The following PRDM16 variants were observed in gnomAD, a reference collection of about 807,000 sequenced individuals.
PRDM16 encodes the protein histone-lysine N-methyltransferase PRDM16.
In PRDM16, 23 loss-of-function variants were observed where a neutral mutation model predicts 110.6. The observed-to-expected ratio is 0.21, with a 90% CI of 0.15 to 0.29. The LOEUF (loss-of-function observed/expected upper bound fraction) is 0.29. Ranked by LOEUF, PRDM16 falls within the 10% of genes least tolerant of loss-of-function variation. The pLI, the probability that PRDM16 is intolerant of heterozygous loss-of-function variation, is 1.00. For missense variants in PRDM16, 1,615 were observed against 1,794.3 expected, an observed-to-expected ratio of 0.90 and a Z score of 1.81; for synonymous variants, 799 against 781.8, an observed-to-expected ratio of 1.02 and a Z score of -0.37.
chr1:3,217,650 G>A (rs1639060288), intron 2 of PRDM16, among the ~76,000 whole-genome samples: 1 of 152,208 alleles, frequency 6.6e-6, no homozygotes, highest in Admixed American at 6.5e-5. Flanking sequence ...ACGCTGTCCA[G>A]AAGCAGCGTT....
At chr1:3,419,289 C>T (rs1341037882) in intron 12 of PRDM16, among the ~76,000 whole-genome samples, 1 of 152,208 alleles carries the variant, frequency 6.6e-6, no homozygotes, top group Admixed American at 6.5e-5. Context: ...GGATGGGAAG[C>T]GGTGCGTCTG....
rs533413751 is a variant in PRDM16, at chr1:3,201,742, G to T, written c.387+15268G>T. 2.6e-5 allele frequency among the ~76,000 whole-genome samples: 4 copies of T among 152,212 alleles called. No homozygotes were observed. Among genetic ancestry groups the T allele is most frequent in the Admixed American group, 2.0e-4 (3 of 15,288 alleles). Reference sequence around the variant, plus strand: ...GGTGACACATTCTTCAGCTGGAGCCGAGTAGGGTCGTGTCTGCCCCGCTTC... The same window carrying T: ...GGTGACACATTCTTCAGCTGGAGCCTAGTAGGGTCGTGTCTGCCCCGCTTC... On this transcript the variant is annotated intron_variant, in intron 2 of 16. Coordinates refer to ENST00000270722, the MANE Select transcript of PRDM16 (RefSeq NM_022114.4). The surrounding 1 kb of genome is among the most constrained non-coding windows in gnomAD (Gnocchi z 4.1).
intron 3 of PRDM16, among the ~76,000 whole-genome samples, chr1:3,276,670 A>AGGTGCCGTGAACAGAGCCAACGAGG (rs1640590100): frequency 7.0e-6 from 1 of 143,862 alleles, no homozygotes; most frequent in Non-Finnish European, 1.5e-5. Flanking sequence ...AGCCAGCTCG[A>AGGTGCCGTGAACAGAGCCAACGAGG]GGTGCCGTGA....
intron 1 of PRDM16, among the ~76,000 whole-genome samples, chr1:3,072,119 C>G (rs1462341409): frequency 6.6e-6 from 1 of 152,220 alleles, no homozygotes; most frequent in East Asian, 1.9e-4. Context: ...GAGGACAGTT[C>G]AGGGACAGGG....
intron 3 of PRDM16, among the ~76,000 whole-genome samples, chr1:3,295,725 C>A (rs548707717): frequency 6.6e-6 from 1 of 152,302 alleles, no homozygotes; most frequent in South Asian, 2.1e-4. Flanking sequence ...GACAGGGTTT[C>A]TGGGCGATGG....
At chr1:3,114,207 A>ACG (rs1402062190) in intron 1 of PRDM16, among the ~76,000 whole-genome samples, 1,047 of 82,962 alleles carry the variant, frequency 0.013, 13 homozygotes, top group African/African-American at 0.044. Context: ...ACGCACGCAC[A>ACG]CACGCACACG....
At chr1:3,155,344 C>T (rs1191382155) in intron 1 of PRDM16, among the ~76,000 whole-genome samples, 1 of 152,234 alleles carries the variant, frequency 6.6e-6, no homozygotes, top group Non-Finnish European at 1.5e-5. Flanking sequence ...GCCGCGGCTG[C>T]CGTGTGGCTT....
chr1:3,397,896 G>T (rs1253557904), intron 5 of PRDM16, among the ~76,000 whole-genome samples: 1 of 152,180 alleles, frequency 6.6e-6, no homozygotes, highest in African/African-American at 2.4e-5. Context: ...GGCCCAGCTA[G>T]CTGGGTCCTT....
chr1:3,116,199 G>A (rs1474626377), intron 1 of PRDM16, among the ~76,000 whole-genome samples: 1 of 152,194 alleles, frequency 6.6e-6, no homozygotes, highest in Non-Finnish European at 1.5e-5. Context: ...GGGAGAACAG[G>A]TGGCAGGGAG....
At chr1:3,161,740 G>A (rs1643898727) in intron 1 of PRDM16, among the ~76,000 whole-genome samples, 1 of 152,244 alleles carries the variant, frequency 6.6e-6, no homozygotes, top group Admixed American at 6.5e-5. Context: ...ACCAGAGGTT[G>A]GTGGAGGGAT....
intron 3 of PRDM16, among the ~76,000 whole-genome samples, chr1:3,247,728 C>G (rs373955725): frequency 1.3e-5 from 2 of 151,014 alleles, no homozygotes; most frequent in East Asian, 3.9e-4. Context: ...CCCTGGTGCC[C>G]TATGCGTGCC....
Position 3,370,109 on chromosome 1 carries a change from G to T in PRDM16, c.439-15043G>T, listed in dbSNP as rs557944416. On this transcript the variant is annotated intron_variant, in intron 3 of 16. Coordinates refer to ENST00000270722, the MANE Select transcript of PRDM16 (RefSeq NM_022114.4). The surrounding 1 kb of genome is among the most constrained non-coding windows in gnomAD (Gnocchi z 4.8). ...ATCCTGGCCCTTCTCCATGCAACCA[G>T]ACTTTTGCTAAGCACCTACTATGTG... is the stretch of plus-strand genomic sequence containing the variant. Among the ~76,000 whole-genome samples the T allele has an allele frequency of 6.6e-6, 1 of 152,176 alleles. No individual in the cohort carries two copies. The highest frequency in any genetic ancestry group is 2.4e-5 in the African/African-American group (1 of 41,436).
chr1:3,258,724 C>T (rs774839617), intron 3 of PRDM16, among the ~76,000 whole-genome samples: 2 of 152,172 alleles, frequency 1.3e-5, no homozygotes, highest in East Asian at 1.9e-4. Flanking sequence ...TGAGAGGAAG[C>T]GGAGATATTT....
intron 1 of PRDM16, among the ~76,000 whole-genome samples, chr1:3,141,468 C>A (rs1643548364): frequency 6.6e-6 from 1 of 152,226 alleles, no homozygotes; most frequent in South Asian, 2.1e-4. Flanking sequence ...ACATCATCTC[C>A]AAGGCTCAAT....
At chr1:3,095,710 G>A (rs768766239) in intron 1 of PRDM16, among the ~76,000 whole-genome samples, 18 of 152,218 alleles carry the variant, frequency 1.2e-4, no homozygotes, top group Admixed American at 2.0e-4. Context: ...CTCTGGCCTC[G>A]GCCAGGAGGG....
At chr1:3,256,832 G>A (rs2100237157) in intron 3 of PRDM16, among the ~76,000 whole-genome samples, 1 of 151,982 alleles carries the variant, frequency 6.6e-6, no homozygotes, top group East Asian at 1.9e-4. Flanking sequence ...ACTCCAGCCT[G>A]GGCGACAGAG....
In PRDM16 at chr1:3,431,151, G is replaced by C. The variant is rs368623445; in HGVS notation, c.3521+43G>C. The C allele has an allele frequency of 2.6e-6, 4 of 1,535,550 alleles. No individual in the cohort carries two copies. In the African/African-American group the frequency reaches 4.1e-5, roughly 16 times the overall value. On this transcript the variant is annotated intron_variant, in intron 15 of 16. Transcript: ENST00000270722. ...CTCCAGGATGGGGCAGGGAGGGAAC[G>C]TGGGCGTCCATCACGAGGGGGACCT...
intron 3 of PRDM16, among the ~76,000 whole-genome samples, chr1:3,360,207 G>A (rs1399922258): frequency 3.9e-5 from 6 of 152,210 alleles, no homozygotes; most frequent in Non-Finnish European, 7.3e-5. Flanking sequence ...GTGGCAGCTC[G>A]AATGCAGCTG....
intron 3 of PRDM16, among the ~76,000 whole-genome samples, chr1:3,315,758 G>A (rs1438991437): frequency 3.3e-5 from 5 of 152,098 alleles, no homozygotes; most frequent in Non-Finnish European, 5.9e-5. Flanking sequence ...GAGCATCCCC[G>A]GCGACTTCAT....
Sources: allele counts gnomAD v4.1 joint callset (sites outside exome capture counted in the v4.1 genomes callset), GRCh38; gene constraint gnomAD v4.1.1; non-coding constraint Gnocchi (gnomAD v3.1); transcripts MANE v1.5; gene names NCBI Gene and HGNC (gene_info 2026-07-23, HGNC 2026-07-21).